PPP2R5C: variants seen among roughly 807,000 people sequenced by gnomAD.
PPP2R5C encodes serine/threonine-protein phosphatase 2A 56 kDa regulatory subunit gamma isoform.
Under a neutral mutation model 68.9 loss-of-function variants are expected in PPP2R5C, and 7 were observed. The ratio of observed to expected loss-of-function variants is 0.10; its 90% CI spans 0.06 to 0.19. PPP2R5C has a LOEUF of 0.19. Among genes scored for constraint, PPP2R5C ranks in the 10% least tolerant of loss-of-function variants. The pLI is 1.00. For synonymous variants in PPP2R5C, 210 were observed against 222.2 expected (o/e 0.95, Z 0.49); for missense variants, 348 against 641.3 (o/e 0.54, Z 4.94).
At chr14:101,772,423 GTCTT>G (rs2037196563) in intron 2 of PPP2R5C, among the ~76,000 whole-genome samples, 1 of 152,162 alleles carries the variant, frequency 6.6e-6, no homozygotes, top group Middle Eastern at 3.4e-3. Context: ...TGTCCTCCTA[GTCTT>G]TCTTTATAGA....
At chr14:101,866,318 CAT>C (rs2043063507) in intron 2 of PPP2R5C, among the ~76,000 whole-genome samples, 1 of 152,188 alleles carries the variant, frequency 6.6e-6, no homozygotes, top group South Asian at 2.1e-4. Context: ...ATGTTTGTAA[CAT>C]ATAAATAAAT....
exon 1 of PPP2R5C, chr14:101,761,886 C>T: frequency 4.3e-6 from 5 of 1,158,482 alleles, no homozygotes; most frequent in Non-Finnish European, 4.3e-6. Flanking sequence ...CGGCGGCCCG[C>T]TCCAGCCATG....
Position 101,797,178 on chromosome 14 carries a change from CT to C in PPP2R5C, c.259+10996del, listed in dbSNP as rs1403302925. 1 of 455,958 alleles carries C rather than the reference CT, an allele frequency of 2.2e-6. No homozygotes were observed. Among genetic ancestry groups the C allele is most frequent in the African/African-American group, 2.0e-5 (1 of 50,064 alleles). The allele number at this position is 455,958 out of a possible 1,614,324, so 28.2% of individuals were successfully genotyped here. On this transcript the variant is annotated intron_variant, in intron 3 of 14. Transcript: ENST00000328724. The surrounding 1 kb of genome is among the most constrained non-coding windows in gnomAD (Gnocchi z 4.2). ...TCGTACAGTATCTGTCTTTCTGTGCCTGGCTTATTTCCCTAAACATAATATC... is the reference window on the plus strand; with the variant it reads ...TCGTACAGTATCTGTCTTTCTGTGCCGGCTTATTTCCCTAAACATAATATC...
intron 8 of PPP2R5C, among the ~76,000 whole-genome samples, chr14:101,896,649 A>T (rs891932802): frequency 6.6e-6 from 1 of 151,600 alleles, no homozygotes; most frequent in African/African-American, 2.4e-5. Flanking sequence ...AAAAAAAAAA[A>T]AAAAAAGTGT....
intron 13 of PPP2R5C, among the ~76,000 whole-genome samples, chr14:101,919,066 T>C (rs963059117): frequency 1.3e-5 from 2 of 152,232 alleles, no homozygotes; most frequent in African/African-American, 4.8e-5. Flanking sequence ...CCCCCATTTC[T>C]TTTTTACTTC....
At chr14:101,816,739 G>A (rs1374142288) in intron 1 of PPP2R5C, among the ~76,000 whole-genome samples, 1 of 151,530 alleles carries the variant, frequency 6.6e-6, no homozygotes, top group African/African-American at 2.4e-5. Flanking sequence ...TGGGTAAAAA[G>A]CAAATATGTC....
At chr14:101,883,337 G>A in exon 4 of PPP2R5C, 1 of 1,603,148 alleles carries the variant, frequency 6.2e-7, no homozygotes, top group South Asian at 1.1e-5. Context: ...TTGATCAGAA[G>A]TTTGTATTGC....
intron 1 of PPP2R5C, among the ~76,000 whole-genome samples, chr14:101,852,319 AG>A (rs1213912744): frequency 6.6e-6 from 1 of 152,186 alleles, no homozygotes; most frequent in African/African-American, 2.4e-5. Flanking sequence ...GCATGTATAA[AG>A]CTAGACAGGA....
chr14:101,775,478 G>A (rs943826451), intron 2 of PPP2R5C, among the ~76,000 whole-genome samples: 1 of 152,224 alleles, frequency 6.6e-6, no homozygotes, highest in Non-Finnish European at 1.5e-5. Flanking sequence ...CTGCACGGAA[G>A]GTTGTGGGGT....
In PPP2R5C at chr14:101,781,635, G is replaced by T. The variant is rs1182468749; in HGVS notation, c.94-4383G>T. On this transcript the variant is annotated intron_variant, in intron 2 of 14. Transcript: ENST00000328724. This position sits in a 1 kb window ranked among gnomAD's most constrained non-coding sequence, Gnocchi z 6.4. The stretch of plus-strand genomic sequence containing the variant: ...TTAGCTCCCGCCGGCCGCCTCCGGA[G>T]CCTCCGGCATGGGCCCCAGGCCGGG... Among the ~76,000 whole-genome samples, 1 of 152,104 alleles carries T rather than the reference G, an allele frequency of 6.6e-6. No individual in the cohort carries two copies. The highest frequency in any genetic ancestry group is 1.5e-5 in the Non-Finnish European group (1 of 67,982).
chr14:101,850,766 A>G (rs180968601), intron 1 of PPP2R5C, among the ~76,000 whole-genome samples: 99 of 152,322 alleles, frequency 6.5e-4, no homozygotes, highest in Non-Finnish European at 1.5e-5. Context: ...TCATGGAGAA[A>G]TGGTCATTTC....
intron 1 of PPP2R5C, chr14:101,818,781 A>T (rs2039869206): frequency 7.9e-6 from 4 of 503,932 alleles, no homozygotes; most frequent in African/African-American, 7.6e-5. Context: ...ATAACCTTAT[A>T]TCTTATTGTT....
intron 2 of PPP2R5C, among the ~76,000 whole-genome samples, chr14:101,770,816 T>G (rs1307268929): frequency 6.6e-6 from 1 of 152,250 alleles, no homozygotes; most frequent in Non-Finnish European, 1.5e-5. Context: ...GTGGAAAGGT[T>G]TCCACCTGCA....
At chr14:101,811,844 T>C (rs2039380465) in intron 1 of PPP2R5C, among the ~76,000 whole-genome samples, 1 of 152,252 alleles carries the variant, frequency 6.6e-6, no homozygotes, top group Admixed American at 6.5e-5. Flanking sequence ...TTTCACGTTG[T>C]GTCTTGAACC....
intron 2 of PPP2R5C, among the ~76,000 whole-genome samples, chr14:101,860,604 C>G (rs1336978770): frequency 6.6e-6 from 1 of 152,152 alleles, no homozygotes; most frequent in Non-Finnish European, 1.5e-5. Flanking sequence ...GAAGAACTAC[C>G]AGACCGTTTT....
intron 2 of PPP2R5C, among the ~76,000 whole-genome samples, chr14:101,770,875 TG>T (rs1480453135): frequency 6.6e-6 from 1 of 152,252 alleles, no homozygotes; most frequent in Non-Finnish European, 1.5e-5. Context: ...TGAAATGCGG[TG>T]ATGTTTTCCT....
intron 3 of PPP2R5C, among the ~76,000 whole-genome samples, chr14:101,786,987 C>A (rs923286713): frequency 6.6e-6 from 1 of 152,150 alleles, no homozygotes; most frequent in African/African-American, 2.4e-5. Context: ...TCCAGTGGCT[C>A]GCGCTTATAA....
At chr14:101,907,208 T>TC (rs558289315) in intron 10 of PPP2R5C, among the ~76,000 whole-genome samples, 3 of 152,218 alleles carry the variant, frequency 2.0e-5, no homozygotes, top group African/African-American at 7.2e-5. Flanking sequence ...TCTTGCTATG[T>TC]CCCCCCGGCT....
At chr14:101,921,152 C>T (rs1455243776) in intron 13 of PPP2R5C, 1 of 250,240 alleles carries the variant, frequency 4.0e-6, no homozygotes. Context: ...ACTGCAGCCT[C>T]GGCCTCCTGG....
Sources: allele counts gnomAD v4.1 joint callset (sites outside exome capture counted in the v4.1 genomes callset), GRCh38; gene constraint gnomAD v4.1.1; non-coding constraint Gnocchi (gnomAD v3.1); transcripts MANE v1.5; gene names NCBI Gene and HGNC (gene_info 2026-07-23, HGNC 2026-07-21).